ERG: variants seen among roughly 807,000 people sequenced by gnomAD.
ERG encodes ETS transcription factor ERG.
In ERG, 9 loss-of-function variants were observed where a neutral mutation model predicts 55.3. The ratio of observed to expected loss-of-function variants is 0.16; its 90% CI spans 0.10 to 0.28. ERG has a LOEUF of 0.28. ERG is among the 10% of genes least tolerant of loss of function. ERG has a pLI of 1.00. For synonymous variants in ERG, 223 were observed against 237.3 expected, an observed-to-expected ratio of 0.94 and a Z score of 0.55; for missense variants, 434 against 631.6, an observed-to-expected ratio of 0.69 and a Z score of 3.35.
At chr21:38,496,547 C>G (rs1004118018) in intron 1 of ERG, among the ~76,000 whole-genome samples, 1 of 152,022 alleles carries the variant, frequency 6.6e-6, no homozygotes, top group Non-Finnish European at 1.5e-5. Context: ...CCTATTTTAA[C>G]AGAAGATTAA....
intron 1 of ERG, among the ~76,000 whole-genome samples, chr21:38,452,410 AATAG>A (rs764742192): frequency 5.9e-5 from 9 of 152,258 alleles, no homozygotes; most frequent in Non-Finnish European, 1.2e-4. Flanking sequence ...CATATATGCA[AATAG>A]ATACCTACAG....
At chr21:38,499,556 C>T (rs1344277083), upstream of ERG, among the ~76,000 whole-genome samples, 1 of 152,144 alleles carries the variant, frequency 6.6e-6, no homozygotes, top group African/African-American at 2.4e-5. Flanking sequence ...AGTCATCTGA[C>T]AATTCCTGGT....
intron 6 of ERG, among the ~76,000 whole-genome samples, chr21:38,393,658 T>G (rs967639335): frequency 6.6e-5 from 10 of 152,188 alleles, no homozygotes; most frequent in African/African-American, 2.4e-4. Flanking sequence ...AGCTTGACTG[T>G]GTTGCAGAAG....
At chr21:38,548,000 G>A (rs559950180) in intron 2 of ERG, among the ~76,000 whole-genome samples, 7 of 151,948 alleles carry the variant, frequency 4.6e-5, no homozygotes, top group Admixed American at 1.3e-4. Flanking sequence ...TCCTTAAAAC[G>A]GTATAATCAT....
chr21:38,623,681 A>G (rs1028392025), intron 1 of ERG, among the ~76,000 whole-genome samples: 4 of 152,196 alleles, frequency 2.6e-5, no homozygotes, highest in Non-Finnish European at 4.4e-5. Flanking sequence ...TCCTCCCTCC[A>G]GAAATGAAAC....
At chr21:38,555,411 A>C (rs1046690768) in intron 2 of ERG, among the ~76,000 whole-genome samples, 5 of 152,030 alleles carry the variant, frequency 3.3e-5, no homozygotes, top group African/African-American at 1.2e-4. Flanking sequence ...TAATATATCC[A>C]TTGTCAAAAA....
chr21:38,476,087 G>A (rs2059184303), intron 1 of ERG, among the ~76,000 whole-genome samples: 1 of 152,114 alleles, frequency 6.6e-6, no homozygotes, highest in South Asian at 2.1e-4. Context: ...GAAGCCTGAC[G>A]TTTCACAGGA....
chr21:38,374,781 G>T, the ERG span, among the ~76,000 whole-genome samples: 3 of 151,888 alleles, frequency 2.0e-5, no homozygotes, highest in Non-Finnish European at 4.4e-5. Flanking sequence ...AGTATTTTTT[G>T]GTTCATTAAA....
chr21:38,451,031 T>C, intron 1 of ERG: 1 of 432,340 alleles, frequency 2.3e-6, no homozygotes, highest in East Asian at 7.0e-5. Context: ...TACCTGGCTG[T>C]TACTGGAAGG....
At chr21:38,509,408 T>C (rs1462080383) in intron 2 of ERG, among the ~76,000 whole-genome samples, 1 of 152,162 alleles carries the variant, frequency 6.6e-6, no homozygotes, top group Admixed American at 6.5e-5. Context: ...AACTTGCATA[T>C]TGGATAGAGA....
At chr21:38,552,908 C>T (rs1281750803) in intron 2 of ERG, among the ~76,000 whole-genome samples, 1 of 151,864 alleles carries the variant, frequency 6.6e-6, no homozygotes, top group Non-Finnish European at 1.5e-5. Flanking sequence ...AACTATCTCT[C>T]TTCACAGAGG....
intron 9 of ERG, among the ~76,000 whole-genome samples, chr21:38,385,322 G>T (rs888351127): frequency 3.3e-5 from 5 of 152,266 alleles, no homozygotes; most frequent in East Asian, 1.9e-4. Flanking sequence ...TTACAGCACT[G>T]CCTTAGACTT....
At chr21:38,436,694 C>A (rs971212520) in intron 2 of ERG, among the ~76,000 whole-genome samples, 13 of 152,274 alleles carry the variant, frequency 8.5e-5, no homozygotes, top group South Asian at 2.1e-4. Flanking sequence ...ATTAATAAAT[C>A]ATGTGGGTTT....
chr21:38,638,959 G>GAAT, intron 1 of ERG, among the ~76,000 whole-genome samples: 1 of 152,102 alleles, frequency 6.6e-6, no homozygotes, highest in Non-Finnish European at 1.5e-5. Flanking sequence ...GGGACCAAGT[G>GAAT]AATGGCAAGG....
At chr21:38,515,667 G>A (rs970829350) in intron 2 of ERG, among the ~76,000 whole-genome samples, 8 of 151,818 alleles carry the variant, frequency 5.3e-5, no homozygotes, top group Non-Finnish European at 1.0e-4. Flanking sequence ...CTTCAGTTCA[G>A]CATGGATACA....
chr21:38,374,026 C>A, the ERG span, among the ~76,000 whole-genome samples: 1 of 152,116 alleles, frequency 6.6e-6, no homozygotes, highest in Non-Finnish European at 1.5e-5. Flanking sequence ...TATTTTTCAG[C>A]AATTGTTTAA....
intron 1 of ERG, among the ~76,000 whole-genome samples, chr21:38,607,700 C>T (rs944534482): frequency 5.3e-5 from 8 of 151,856 alleles, no homozygotes; most frequent in African/African-American, 1.9e-4. Context: ...ATCTTAAATT[C>T]AATTTTAAAA....
chr21:38,398,128 G>A (rs1601333101), intron 6 of ERG, among the ~76,000 whole-genome samples: 3 of 152,268 alleles, frequency 2.0e-5, no homozygotes, highest in East Asian at 1.9e-4. Context: ...CAGGGATATC[G>A]TCAGATTCCC....
intron 2 of ERG, among the ~76,000 whole-genome samples, chr21:38,564,206 G>A (rs80257849): frequency 1.4e-4 from 22 of 151,950 alleles, no homozygotes; most frequent in Admixed American, 2.6e-4. Flanking sequence ...TGACTTTGTC[G>A]GTGGGTTTTA....
Sources: allele counts gnomAD v4.1 joint callset (sites outside exome capture counted in the v4.1 genomes callset), GRCh38; gene constraint gnomAD v4.1.1; transcripts MANE v1.5; gene names NCBI Gene and HGNC (gene_info 2026-07-23, HGNC 2026-07-21).